SAMMSON: variants seen among roughly 807,000 people sequenced by gnomAD.
SAMMSON encodes the protein long intergenic non-protein coding RNA 1212.
chr3:70,125,865 A>C, intron 4 of SAMMSON: 1 of 678,486 alleles, frequency 1.5e-6, no homozygotes, highest in Non-Finnish European at 2.7e-6. Context: ...GTTGGTCCTC[A>C]TCATCACTGC....
At chr3:70,244,968 C>A (rs1314683191) in intron 4 of SAMMSON, among the ~76,000 whole-genome samples, 1 of 152,070 alleles carries the variant, frequency 6.6e-6, no homozygotes, top group African/African-American at 2.4e-5. Context: ...AAAAATCATA[C>A]TACTTATCTG....
intron 4 of SAMMSON, chr3:70,206,553 A>C (rs1384535754): frequency 2.8e-5 from 11 of 397,388 alleles, no homozygotes; most frequent in Non-Finnish European, 4.9e-5. Flanking sequence ...GATGGGTTGA[A>C]TTCTGAGAAA....
At chr3:70,047,557 A>C (rs969673454) in intron 3 of SAMMSON, among the ~76,000 whole-genome samples, 1 of 151,984 alleles carries the variant, frequency 6.6e-6, no homozygotes, top group South Asian at 2.1e-4. Flanking sequence ...GCTGGTCTCG[A>C]ACTCCTAATC....
intron 7 of SAMMSON, among the ~76,000 whole-genome samples, chr3:70,337,237 A>G (rs2106726378): frequency 1.3e-5 from 2 of 149,362 alleles, no homozygotes; most frequent in South Asian, 2.1e-4. Flanking sequence ...TTAATATCTA[A>G]CTTAAAACTC....
chr3:70,239,358 C>A (rs1031637336), intron 4 of SAMMSON, among the ~76,000 whole-genome samples: 30 of 152,108 alleles, frequency 2.0e-4, no homozygotes, highest in African/African-American at 6.8e-4. Flanking sequence ...GAAGATTAGA[C>A]CCCAGCTGTC....
At chr3:70,164,557 C>T (rs1464449422) in intron 4 of SAMMSON, among the ~76,000 whole-genome samples, 3 of 152,008 alleles carry the variant, frequency 2.0e-5, no homozygotes. Flanking sequence ...CCAGGTAGCT[C>T]CTGACCTCCC....
intron 4 of SAMMSON, among the ~76,000 whole-genome samples, chr3:70,188,243 C>A (rs1701106579): frequency 6.6e-6 from 1 of 152,162 alleles, no homozygotes. Flanking sequence ...TCTACTCTGC[C>A]ATTGTGTTGT....
intron 7 of SAMMSON, among the ~76,000 whole-genome samples, chr3:70,343,958 G>A (rs572705591): frequency 4.6e-5 from 7 of 150,830 alleles, no homozygotes; most frequent in South Asian, 2.1e-4. Flanking sequence ...TGCTCAAATT[G>A]TTCTATCTTT....
chr3:70,366,676 CTT>C (rs983012384), intron 9 of SAMMSON, among the ~76,000 whole-genome samples: 1 of 151,356 alleles, frequency 6.6e-6, no homozygotes, highest in Non-Finnish European at 1.5e-5. Context: ...GTGGACATAA[CTT>C]TGCAAATCAA....
chr3:70,353,761 T>C (rs1454315945), intron 7 of SAMMSON, among the ~76,000 whole-genome samples: 2 of 152,166 alleles, frequency 1.3e-5, no homozygotes, highest in Admixed American at 1.3e-4. Flanking sequence ...CACAAAAACC[T>C]GTGCATAAAT....
At chr3:70,333,376 TA>T (rs961405023) in intron 7 of SAMMSON, among the ~76,000 whole-genome samples, 45 of 151,950 alleles carry the variant, frequency 3.0e-4, no homozygotes, top group Admixed American at 2.9e-3. Flanking sequence ...ATTAAAATAA[TA>T]AAAAATATTT....
intron 4 of SAMMSON, chr3:70,072,548 A>C (rs2067233974): frequency 6.6e-6 from 1 of 151,414 alleles, no homozygotes; most frequent in African/African-American, 2.4e-5. Context: ...CACGGAGAGA[A>C]GAGGGGATTT....
chr3:70,250,408 A>ATC (rs71674617), intron 6 of SAMMSON, among the ~76,000 whole-genome samples: 1 of 110,054 alleles, frequency 9.1e-6, no homozygotes, highest in African/African-American at 3.9e-5. Flanking sequence ...CTTTTAATGA[A>ATC]TCTCACACAC....
intron 6 of SAMMSON, among the ~76,000 whole-genome samples, chr3:70,253,213 C>T (rs1701785740): frequency 6.6e-6 from 1 of 152,088 alleles, no homozygotes; most frequent in Non-Finnish European, 1.5e-5. Flanking sequence ...AGGGTCAGTC[C>T]TTACTGAGAA....
At chr3:70,313,874 C>T (rs1333730630) in intron 7 of SAMMSON, among the ~76,000 whole-genome samples, 1 of 152,086 alleles carries the variant, frequency 6.6e-6, no homozygotes, top group Non-Finnish European at 1.5e-5. Context: ...CTTGACTGGT[C>T]AGATTCTATA....
At chr3:70,252,905 C>A (rs1233160195) in intron 6 of SAMMSON, among the ~76,000 whole-genome samples, 1 of 151,896 alleles carries the variant, frequency 6.6e-6, no homozygotes, top group Non-Finnish European at 1.5e-5. Flanking sequence ...CATCGTGAAA[C>A]CCCCTCTCTA....
intron 2 of SAMMSON, among the ~76,000 whole-genome samples, chr3:70,418,561 T>A (rs1238045950): frequency 6.6e-6 from 1 of 152,204 alleles, no homozygotes; most frequent in African/African-American, 2.4e-5. Context: ...TGATGGACAG[T>A]CTGCCACTTT....
intron 7 of SAMMSON, among the ~76,000 whole-genome samples, chr3:70,316,851 A>G (rs1244972104): frequency 6.6e-6 from 1 of 152,106 alleles, no homozygotes; most frequent in Non-Finnish European, 1.5e-5. Context: ...ATTAAATTTT[A>G]TCTTTGTTTC....
At chr3:70,214,539 G>A (rs1232837900) in intron 4 of SAMMSON, among the ~76,000 whole-genome samples, 3 of 151,258 alleles carry the variant, frequency 2.0e-5, no homozygotes, top group Non-Finnish European at 2.9e-5. Context: ...AGAAGGCTGA[G>A]CATGGCCCCC....
Sources: allele counts gnomAD v4.1 joint callset (sites outside exome capture counted in the v4.1 genomes callset), GRCh38; gene constraint gnomAD v4.1.1; transcripts MANE v1.5; gene names NCBI Gene and HGNC (gene_info 2026-07-23, HGNC 2026-07-21).